DYM: variants seen among roughly 807,000 people sequenced by gnomAD.
The protein encoded by DYM is dymeclin, also known as dyggve-Melchior-Clausen syndrome protein.
DYM carries 78 observed loss-of-function variants against 93.1 expected under a neutral mutation model. The ratio of observed to expected loss-of-function variants is 0.84; its 90% CI spans 0.70 to 1.01. The LOEUF (loss-of-function observed/expected upper bound fraction) is 1.01, where lower values mean the gene tolerates loss of function less well. Among genes scored for constraint, DYM ranks in the 50% least tolerant of loss-of-function variants. The probability of loss-of-function intolerance (pLI) is 0.00; values close to 1 mark genes in which losing one functional copy is unlikely to be tolerated. For synonymous variants in DYM, 321 were observed against 319.7 expected, an observed-to-expected ratio of 1.00 and a Z score of -0.04; for missense variants, 789 against 845.0, an observed-to-expected ratio of 0.93 and a Z score of 0.82.
rs2093958224 is a variant in DYM, at chr18:49,239,260, G to C, written c.1460+17750C>G. Among the ~76,000 whole-genome samples the C allele has an allele frequency of 2.0e-5, 3 of 152,128 alleles. No individual in the cohort carries two copies. The South Asian group carries it at 6.2e-4, about 31-fold the overall frequency. On this transcript the variant is annotated intron_variant, in intron 13 of 17. Transcript: ENST00000675505. The stretch of plus-strand genomic sequence containing the variant: ...TTAAAGGAAAAAAATGCAAAGAATA[G>C]CATTTGAATGGATTCAGCTTAAATT...
intron 13 of DYM, among the ~76,000 whole-genome samples, chr18:49,246,591 C>G (rs2094173994): frequency 1.3e-5 from 2 of 152,164 alleles, no homozygotes; most frequent in Non-Finnish European, 2.9e-5. Context: ...TTCACTTGGA[C>G]TGGTCACATA....
At chr18:49,370,040 G>A (rs561285129) in intron 5 of DYM, among the ~76,000 whole-genome samples, 74 of 152,302 alleles carry the variant, frequency 4.9e-4, no homozygotes, top group South Asian at 1.0e-3. Flanking sequence ...ACTTTGGGAG[G>A]CCGAGATGGG....
chr18:49,360,139 T>C (rs556773641), intron 6 of DYM, among the ~76,000 whole-genome samples: 29 of 152,252 alleles, frequency 1.9e-4, no homozygotes, highest in African/African-American at 7.0e-4. Flanking sequence ...ACAATCGGCT[T>C]GCTCCTCAAG....
chr18:49,211,210 G>A (rs554189789), intron 13 of DYM, among the ~76,000 whole-genome samples: 45 of 152,034 alleles, frequency 3.0e-4, no homozygotes, highest in African/African-American at 9.2e-4. Context: ...ACCCATAAGC[G>A]AACAACATAG....
intron 2 of DYM, among the ~76,000 whole-genome samples, chr18:49,405,353 T>A (rs2071353799): frequency 6.6e-6 from 1 of 152,242 alleles, no homozygotes; most frequent in Non-Finnish European, 1.5e-5. Flanking sequence ...TCCTAGGTTT[T>A]CTTGTAGGAT....
At chr18:49,102,369 T>G (rs2080254368) in intron 16 of DYM, among the ~76,000 whole-genome samples, 1 of 152,196 alleles carries the variant, frequency 6.6e-6, no homozygotes, top group African/African-American at 2.4e-5. Flanking sequence ...TTTTGACACA[T>G]GGGTGTATTG....
At chr18:49,170,726 C>T (rs1032839862) in intron 14 of DYM, among the ~76,000 whole-genome samples, 3 of 124,774 alleles carry the variant, frequency 2.4e-5, no homozygotes, top group African/African-American at 9.1e-5. Flanking sequence ...TTGCAGTGAG[C>T]TGAGATTCTC....
chr18:49,225,189 T>C (rs980378719), intron 13 of DYM, among the ~76,000 whole-genome samples: 2 of 152,142 alleles, frequency 1.3e-5, no homozygotes, highest in African/African-American at 4.8e-5. Context: ...GGGGAAATTT[T>C]TGCAAACTAA....
intron 17 of DYM, among the ~76,000 whole-genome samples, chr18:49,079,448 G>C (rs940980880): frequency 6.7e-6 from 1 of 150,032 alleles, no homozygotes. Context: ...GGAGTTTCTC[G>C]CAGAGGGGGA....
intron 1 of DYM, among the ~76,000 whole-genome samples, chr18:49,457,765 C>T (rs761983741): frequency 4.6e-5 from 7 of 152,150 alleles, no homozygotes; most frequent in Non-Finnish European, 8.8e-5. Context: ...TTAAGAACCT[C>T]GAGGGGGGAT....
At chr18:49,063,170 C>G (rs1471229628) in intron 17 of DYM, among the ~76,000 whole-genome samples, 1 of 152,120 alleles carries the variant, frequency 6.6e-6, no homozygotes, top group Non-Finnish European at 1.5e-5. Context: ...GCTACAGAAC[C>G]CTCCACTGAG....
At chr18:49,162,046 G>A (rs2056626608) in intron 15 of DYM, among the ~76,000 whole-genome samples, 1 of 152,148 alleles carries the variant, frequency 6.6e-6, no homozygotes, top group Admixed American at 6.5e-5. Flanking sequence ...TTCTCCTGTG[G>A]TTAATGGCAA....
In DYM at chr18:49,297,318, G is replaced by A. The variant is rs957315350; in HGVS notation, c.764-10702C>T. On this transcript the variant is annotated intron_variant, in intron 8 of 17. Coordinates refer to ENST00000675505, the MANE Select transcript of DYM (RefSeq NM_001353214.3). The stretch of plus-strand genomic sequence containing the variant: ...ATGTGGATGAATTTCACAAATAAAC[G>A]AAGTAAAACACAAAAGAATACATCA... 3.3e-5 allele frequency among the ~76,000 whole-genome samples: 5 copies of A among 152,084 alleles called. No individual in the cohort carries two copies. The East Asian group carries it at 5.8e-4, about 18-fold the overall frequency.
intron 13 of DYM, among the ~76,000 whole-genome samples, chr18:49,245,653 GCA>G (rs1439423836): frequency 2.0e-5 from 3 of 152,190 alleles, no homozygotes; most frequent in African/African-American, 7.2e-5. Context: ...GACAATGTGT[GCA>G]CAGTGGGACA....
chr18:49,384,683 A>T (rs1264313369), intron 3 of DYM, among the ~76,000 whole-genome samples: 1 of 151,706 alleles, frequency 6.6e-6, no homozygotes, highest in Non-Finnish European at 1.5e-5. Context: ...ACGACTAGAA[A>T]TGATTAAGAA....
chr18:49,421,628 A>G (rs2073720580), intron 2 of DYM, among the ~76,000 whole-genome samples: 1 of 152,252 alleles, frequency 6.6e-6, no homozygotes, highest in African/African-American at 2.4e-5. Context: ...CGCCAGCAAC[A>G]GAACAAAGCT....
At chr18:49,309,053 T>C (rs910785090) in intron 8 of DYM, among the ~76,000 whole-genome samples, 5 of 152,188 alleles carry the variant, frequency 3.3e-5, no homozygotes, top group East Asian at 1.9e-4. Flanking sequence ...AAAAGCTATA[T>C]TGTCATTAGC....
chr18:49,262,147 G>A (rs902757657), intron 11 of DYM, among the ~76,000 whole-genome samples: 1 of 152,170 alleles, frequency 6.6e-6, no homozygotes, highest in Admixed American at 6.5e-5. Context: ...ACTGTAAGAT[G>A]AGGAAGACAG....
At chr18:49,302,089 T>C (rs1475173280) in intron 8 of DYM, among the ~76,000 whole-genome samples, 2 of 152,242 alleles carry the variant, frequency 1.3e-5, no homozygotes, top group Non-Finnish European at 2.9e-5. Flanking sequence ...AAATCATTAA[T>C]GATCCGAGTA....
Sources: gnomAD v4.1 joint callset for allele counts (sites outside exome capture counted in the v4.1 genomes callset) on GRCh38, gnomAD v4.1.1 for gene constraint, MANE v1.5 for transcripts, NCBI Gene and HGNC (gene_info 2026-07-23, HGNC 2026-07-21) for gene names.